PRKD1: variants seen among roughly 807,000 people sequenced by gnomAD.
The protein encoded by PRKD1 is protein kinase D1.
A neutral mutation model predicts 95.9 loss-of-function variants in PRKD1; 63 were observed. The observed-to-expected ratio is 0.66, with a 90% CI of 0.54 to 0.81. The LOEUF is 0.81. Ranked by LOEUF, PRKD1 falls within the 30% of genes least tolerant of loss-of-function variation. PRKD1 has a pLI of 0.00. For missense variants in PRKD1, 1,048 were observed against 1,165.3 expected, an observed-to-expected ratio of 0.90 and a Z score of 1.47; for synonymous variants, 425 against 423.1, an observed-to-expected ratio of 1.00 and a Z score of -0.05.
chr14:29,900,587 T>A (rs1043330714), intron 1 of PRKD1, among the ~76,000 whole-genome samples: 3 of 152,084 alleles, frequency 2.0e-5, no homozygotes, highest in Admixed American at 6.5e-5. Flanking sequence ...AAACTATGCA[T>A]CTGACAAAGG....
At chr14:29,840,952 C>A (rs914921315) in intron 1 of PRKD1, among the ~76,000 whole-genome samples, 1 of 152,196 alleles carries the variant, frequency 6.6e-6, no homozygotes, top group Non-Finnish European at 1.5e-5. Flanking sequence ...ACCAAGACCA[C>A]AGGAACCCAC....
At chr14:29,743,301 T>A (rs1272707003) in intron 1 of PRKD1, among the ~76,000 whole-genome samples, 1 of 152,138 alleles carries the variant, frequency 6.6e-6, no homozygotes, top group Non-Finnish European at 1.5e-5. Flanking sequence ...AGTGTGTCAT[T>A]TCATCTAGAT....
intron 1 of PRKD1, among the ~76,000 whole-genome samples, chr14:29,922,858 C>A (rs1351811756): frequency 1.3e-5 from 2 of 152,126 alleles, no homozygotes; most frequent in Non-Finnish European, 2.9e-5. Context: ...TACTTGTAGT[C>A]TGGGCCTTAT....
At chr14:29,903,127 C>T (rs536272389) in intron 1 of PRKD1, among the ~76,000 whole-genome samples, 2 of 152,124 alleles carry the variant, frequency 1.3e-5, no homozygotes, top group East Asian at 1.9e-4. Context: ...GCTCAAGAGA[C>T]GAACAACTAT....
rs1045176175 is a variant in PRKD1 at position 29,664,870 on chromosome 14, G to A, written c.536-1011C>T. On this transcript the variant is annotated intron_variant, in intron 3 of 17. Transcript: ENST00000331968. The stretch of plus-strand genomic sequence containing the variant: ...ACATGTTCCAGCTCGCGACTCAACA[G>A]CTGAGTGAACTTAGACGGTTTAATT... Among the ~76,000 whole-genome samples the A allele has an allele frequency of 3.3e-5, 5 of 152,346 alleles. No homozygotes were observed. In the East Asian group the frequency reaches 9.6e-4, roughly 29 times the overall value.
chr14:29,885,804 T>TAAAA (rs759317394), intron 1 of PRKD1, among the ~76,000 whole-genome samples: 20 of 53,482 alleles, frequency 3.7e-4, no homozygotes, highest in Non-Finnish European at 7.0e-4. Context: ...CCATCTTTAC[T>TAAAA]AAAAAAAAAA....
chr14:29,920,058 AAGGAAGGAAAGAAG>A (rs1390879865), intron 1 of PRKD1, among the ~76,000 whole-genome samples: 264 of 134,758 alleles, frequency 2.0e-3, no homozygotes, highest in African/African-American at 8.4e-3. Flanking sequence ...GGAAGGAAGG[AAGGAAGGAAAGAAG>A]GAAGGAAGGA....
chr14:29,897,172 C>T (rs887818559), intron 1 of PRKD1, among the ~76,000 whole-genome samples: 1 of 151,886 alleles, frequency 6.6e-6, no homozygotes, highest in East Asian at 1.9e-4. Context: ...AACCATATAT[C>T]GTGGACATCT....
At chr14:29,783,647 C>T (rs1344654012) in intron 1 of PRKD1, among the ~76,000 whole-genome samples, 1 of 152,180 alleles carries the variant, frequency 6.6e-6, no homozygotes, top group East Asian at 1.9e-4. Flanking sequence ...TTCTCCATTT[C>T]CTTGCCAGCA....
chr14:29,699,656 T>G (rs1330365704), intron 2 of PRKD1, among the ~76,000 whole-genome samples: 1 of 152,178 alleles, frequency 6.6e-6, no homozygotes, highest in Non-Finnish European at 1.5e-5. Flanking sequence ...TGAGTAGGTT[T>G]GAATAGGGCA....
intron 1 of PRKD1, among the ~76,000 whole-genome samples, chr14:29,738,811 G>GTC (rs1048376702): frequency 1.4e-5 from 2 of 144,488 alleles, no homozygotes; most frequent in African/African-American, 5.1e-5. Flanking sequence ...CTTTCTCTCT[G>GTC]TCTCTCTCTC....
intron 1 of PRKD1, among the ~76,000 whole-genome samples, chr14:29,768,709 T>TAAA (rs558238071): frequency 7.3e-4 from 104 of 142,348 alleles, no homozygotes; most frequent in African/African-American, 1.2e-3. Context: ...TCTCCCTGAT[T>TAAA]AAAAAAAAAA....
intron 1 of PRKD1, among the ~76,000 whole-genome samples, chr14:29,822,824 T>G (rs901903132): frequency 1.3e-5 from 2 of 152,106 alleles, no homozygotes; most frequent in East Asian, 3.9e-4. Flanking sequence ...ACAAAGAAAA[T>G]ACTCCCACAG....
chr14:29,877,552 A>C (rs868769935), intron 1 of PRKD1, among the ~76,000 whole-genome samples: 9 of 152,212 alleles, frequency 5.9e-5, no homozygotes, highest in South Asian at 2.1e-4. Context: ...GTTTGTCATG[A>C]AATTTTTGCC....
chr14:29,597,396 G>A (rs1893346356), intron 16 of PRKD1, 95 bp downstream of exon 16: 3 of 1,260,624 alleles, frequency 2.4e-6, no homozygotes, highest in Non-Finnish European at 1.1e-6. Context: ...CAATGAGCAT[G>A]TATTAAGTTA....
At chr14:29,808,330 T>C (rs1422722745) in intron 1 of PRKD1, among the ~76,000 whole-genome samples, 1 of 148,886 alleles carries the variant, frequency 6.7e-6, no homozygotes, top group African/African-American at 2.5e-5. Context: ...CATTCAAGTT[T>C]AATCATTAGA....
At chr14:29,691,341 C>T (rs1884220553) in intron 2 of PRKD1, among the ~76,000 whole-genome samples, 1 of 152,168 alleles carries the variant, frequency 6.6e-6, no homozygotes, top group Admixed American at 6.5e-5. Flanking sequence ...TAAAGCATAT[C>T]CATGCTGGAC....
rs774063907 is a variant in PRKD1 at position 29,577,186 on chromosome 14, C to A, written c.*52G>T. On this transcript the variant is annotated 3_prime_UTR_variant, in exon 18 of 18. Transcript: ENST00000331968. ...CTGCAAGGCAAATGTTAAACCTGAC[C>A]GTATGTATTTATTAGTTCCACAGTG... The A allele has an allele frequency of 3.9e-6, 6 of 1,541,166 alleles. No homozygotes were observed. Among genetic ancestry groups the A allele is most frequent in the Non-Finnish European group, 5.4e-6 (6 of 1,116,790 alleles).
intron 1 of PRKD1, among the ~76,000 whole-genome samples, chr14:29,879,894 T>G (rs1353407495): frequency 6.6e-6 from 1 of 152,156 alleles, no homozygotes; most frequent in African/African-American, 2.4e-5. Context: ...TTGAGAGAGA[T>G]GATTTAGGGT....
Sources: allele counts gnomAD v4.1 joint callset (sites outside exome capture counted in the v4.1 genomes callset), GRCh38; gene constraint gnomAD v4.1.1; transcripts MANE v1.5; gene names NCBI Gene and HGNC (gene_info 2026-07-23, HGNC 2026-07-21).